Variants in FBRSL1 observed in about 807,000 individuals in gnomAD.
The protein encoded by FBRSL1 is fibrosin-1-like protein.
A neutral mutation model predicts 89.6 loss-of-function variants in FBRSL1; 51 were observed. The observed-to-expected ratio is 0.57, with a 90% CI of 0.45 to 0.72. The LOEUF is 0.72. FBRSL1 is among the 30% of genes least tolerant of loss of function. The pLI, the probability that FBRSL1 is intolerant of heterozygous loss-of-function variation, is 0.00. For missense variants in FBRSL1, 1,618 were observed against 1,451.8 expected (o/e 1.11, Z -1.86); for synonymous variants, 779 against 681.1 (o/e 1.14, Z -2.24).
chr12:132,539,318 G>A (rs948160061), intron 4 of FBRSL1, among the ~76,000 whole-genome samples: 4 of 144,242 alleles, frequency 2.8e-5, no homozygotes, highest in East Asian at 2.1e-4. Context: ...CCTCCAGCCC[G>A]ATGCCCACCC....
chr12:132,557,830 C>T (rs1209072824), intron 5 of FBRSL1, among the ~76,000 whole-genome samples: 1 of 152,220 alleles, frequency 6.6e-6, no homozygotes, highest in Non-Finnish European at 1.5e-5. Context: ...GCTGGGCAGC[C>T]GCTTCCCGTG....
At chr12:132,490,965 G>A (rs1403666097) in intron 1 of FBRSL1, 104 bp downstream of exon 1, 3 of 931,818 alleles carry the variant, frequency 3.2e-6, no homozygotes, top group African/African-American at 1.8e-5. Context: ...CGCCCGCGCC[G>A]TGGGCAGCCC....
chr12:132,571,932 C>G (rs760465836), intron 9 of FBRSL1: 12 of 380,748 alleles, frequency 3.2e-5, no homozygotes, highest in Admixed American at 2.2e-4. Context: ...TCCACTCTCT[C>G]GAGTTTTATT....
rs1221602550 is a variant in FBRSL1, at chr12:132,564,705, CA to C, written c.646-2775del. Among the ~76,000 whole-genome samples, 35 of 89,576 alleles carry C rather than the reference CA, an allele frequency of 3.9e-4. 16 individuals carry two copies. The highest frequency in any genetic ancestry group is 2.0e-3 in the African/African-American group (31 of 15,738). The allele number at this position is 89,576 out of a possible 152,430, so 58.8% of individuals were successfully genotyped here. A position where few individuals can be genotyped will look rare whatever the true frequency, so the allele number is the denominator to read the frequency against. The stretch of plus-strand genomic sequence containing the variant: ...AGAGACGGGGTTTCACCGTGTTAGC[CA>C]GGATGGTCTCGATCTCCTGACCTCG... On this transcript the variant is annotated intron_variant, in intron 5 of 18. Transcript: ENST00000680143.
chr12:132,548,239 G>T (rs532435392), intron 5 of FBRSL1, among the ~76,000 whole-genome samples: 1 of 152,188 alleles, frequency 6.6e-6, no homozygotes, highest in South Asian at 2.1e-4. Context: ...CAGGGCTGGG[G>T]CCGGTACCGT....
chr12:132,573,455 A>C (rs762755205), intron 11 of FBRSL1, among the ~76,000 whole-genome samples: 3 of 152,004 alleles, frequency 2.0e-5, no homozygotes, highest in Non-Finnish European at 4.4e-5. Context: ...ATTCAGAGGA[A>C]TGGAGAAGGG....
intron 5 of FBRSL1, among the ~76,000 whole-genome samples, chr12:132,561,631 G>C (rs994198467): frequency 3.3e-5 from 5 of 152,162 alleles, no homozygotes; most frequent in African/African-American, 1.2e-4. Flanking sequence ...CTGGCGGCGT[G>C]GTGGGGCCTG....
In FBRSL1 at chr12:132,570,034, C is replaced by G; in HGVS notation, c.800C>G (p.Pro267Arg). The change falls in exon 7 of 19, where the codon CCC (proline) becomes CGC (arginine). Residue 267 changes from proline to arginine, a missense_variant. Coordinates refer to ENST00000680143, the MANE Select transcript of FBRSL1 (RefSeq NM_001367871.1). ...SAESFLPTAS[P>R]APHAAPCPGP... ...GAGAGCTTCCTGCCCACTGCCAGCC[C>G]CGCGCCCCATGCCGCGCCCTGCCCG... The G allele has an allele frequency of 2.0e-6, 3 of 1,512,192 alleles. No individual in the cohort carries two copies. Among genetic ancestry groups the G allele is most frequent in the Non-Finnish European group, 2.6e-6 (3 of 1,136,896 alleles). 93.7% of individuals were successfully genotyped at this position (1,512,192 alleles called of 1,614,324 possible).
chr12:132,582,384 ACCGTTCCCCCTCCCCCTGTTCCCCTTCC>A (rs549757202), intron 18 of FBRSL1, 118 bp downstream of exon 18: 182 of 660,262 alleles, frequency 2.8e-4, no homozygotes, highest in Middle Eastern at 8.3e-4. Context: ...CCTCTCCCTC[ACCGTTCCCCCTCCCCCTGTTCCCCTTCC>A]CCGTTCCCCC....
intron 15 of FBRSL1, among the ~76,000 whole-genome samples, chr12:132,580,098 ATTTAT>A (rs959212426): frequency 6.6e-6 from 1 of 151,902 alleles, no homozygotes; most frequent in African/African-American, 2.4e-5. Flanking sequence ...ATTTTAATTT[ATTTAT>A]TTTGAGACGA....
chr12:132,509,049 C>T (rs770621765), intron 2 of FBRSL1: 85 of 1,212,424 alleles, frequency 7.0e-5, no homozygotes, highest in Non-Finnish European at 8.6e-5. Context: ...TCTCCTCGGC[C>T]CCCTTGGGAA....
chr12:132,572,176 A>G (rs2040068805), intron 9 of FBRSL1, 112 bp from the exon 10 acceptor site: 3 of 960,078 alleles, frequency 3.1e-6, no homozygotes, highest in Non-Finnish European at 4.7e-6. Flanking sequence ...CGCCAGCCTC[A>G]GGAAGCACAA....
intron 1 of FBRSL1, among the ~76,000 whole-genome samples, chr12:132,501,777 G>T (rs1412332591): frequency 6.6e-6 from 1 of 152,128 alleles, no homozygotes; most frequent in Non-Finnish European, 1.5e-5. Flanking sequence ...CACACAGCAG[G>T]GCCCAGCATG....
At position 132,583,251 on chromosome 12, in the gene FBRSL1, G is replaced by A. The variant is rs1273681284; in HGVS notation, c.2482G>A (p.Ala828Thr). The change falls in exon 19 of 19, where the codon GCG becomes ACG. Residue 828 changes from alanine (A) to threonine (T), a missense_variant. Ala to Thr is a moderately conservative substitution (Grantham distance 58). Transcript: ENST00000680143. Reference sequence around the variant, plus strand: ...GGAGGACGAGGCCTCCGAGCCCCCGGCGGGCGGCCTGCACCCCGCGCCCCT... The same window carrying A: ...GGAGGACGAGGCCTCCGAGCCCCCGACGGGCGGCCTGCACCCCGCGCCCCT... ...RGEDEASEPPAGGLHPAPLQL... is the reference protein window; with the variant it reads ...RGEDEASEPPTGGLHPAPLQL... 12 of 1,352,368 alleles carry A rather than the reference G, an allele frequency of 8.9e-6. No individual in the cohort carries two copies. Among genetic ancestry groups the A allele is most frequent in the Non-Finnish European group, 1.1e-5 (12 of 1,052,320 alleles). 83.8% of individuals were successfully genotyped at this position (1,352,368 alleles called of 1,614,324 possible).
intron 2 of FBRSL1, chr12:132,512,034 C>T (rs1335487105): frequency 1.0e-6 from 1 of 984,668 alleles, no homozygotes; most frequent in Non-Finnish European, 1.2e-6. Flanking sequence ...CTGGGCTTGG[C>T]TCGGGATTCA....
chr12:132,508,896 G>A (rs1018814128), intron 2 of FBRSL1, among the ~76,000 whole-genome samples: 1 of 152,172 alleles, frequency 6.6e-6, no homozygotes, highest in Admixed American at 6.5e-5. Flanking sequence ...TCCTGCCCAG[G>A]AGGGGCTGTC....
At chr12:132,562,096 T>C (rs926320346) in intron 5 of FBRSL1, among the ~76,000 whole-genome samples, 1 of 152,144 alleles carries the variant, frequency 6.6e-6, no homozygotes, top group African/African-American at 2.4e-5. Flanking sequence ...TCGGAGTCCT[T>C]CCTGTTTCCG....
intron 5 of FBRSL1, among the ~76,000 whole-genome samples, chr12:132,556,443 G>T (rs1176742715): frequency 1.3e-5 from 2 of 151,646 alleles, no homozygotes; most frequent in Non-Finnish European, 2.9e-5. Context: ...AGCCTGCTGG[G>T]TGCGTCTGAG....
At chr12:132,578,341 T>TCACACACACACACACACACACACACACA (rs547551851) in intron 15 of FBRSL1, among the ~76,000 whole-genome samples, 105 of 28,626 alleles carry the variant, frequency 3.7e-3, no homozygotes, top group African/African-American at 2.6e-3. Context: ...CAAGACCCTG[T>TCACACACACACACACACACACACACACA]CTCACACACA....
Sources: allele counts gnomAD v4.1 joint callset (sites outside exome capture counted in the v4.1 genomes callset), GRCh38; gene constraint gnomAD v4.1.1; transcripts MANE v1.5; gene names NCBI Gene and HGNC (gene_info 2026-07-23, HGNC 2026-07-21).